The following ADGRL4 variants were observed in gnomAD, a reference collection of about 807,000 sequenced individuals.
The protein encoded by ADGRL4 is EGF, latrophilin and seven transmembrane domain containing 1.
A neutral mutation model predicts 74.8 loss-of-function variants in ADGRL4; 90 were observed. The observed-to-expected ratio is 1.20, with a 90% CI of 1.02 to 1.43. The LOEUF (loss-of-function observed/expected upper bound fraction) is 1.43. Among genes scored for constraint, ADGRL4 ranks in the 40% most tolerant of loss-of-function variants. The pLI is 0.00. For missense variants in ADGRL4, 881 were observed against 814.3 expected (o/e 1.08, Z -1.00); for synonymous variants, 311 against 279.2 (o/e 1.11, Z -1.14).
chr1:78,994,846 A>G (rs1489898273), intron 2 of ADGRL4, among the ~76,000 whole-genome samples: 1 of 152,152 alleles, frequency 6.6e-6, no homozygotes, highest in Non-Finnish European at 1.5e-5. Flanking sequence ...GGCAATATAT[A>G]TTACCCTCAG....
Position 78,929,204 on chromosome 1 carries a change from T to A in ADGRL4, c.878-2113A>T, listed in dbSNP as rs1342823762. Among the ~76,000 whole-genome samples, 3 of 151,330 alleles carry A rather than the reference T, an allele frequency of 2.0e-5. 1 individual carries two copies. Among genetic ancestry groups the A allele is most frequent in the African/African-American group, 7.4e-5 (3 of 40,732 alleles). ...CTCCTTACTCTTCTAAAATTCAGTC[T>A]ATAAAAAAATATACATTTAAAAATC... On this transcript the variant is annotated intron_variant, in intron 7 of 14. Transcript: ENST00000370742.
At chr1:78,940,215 C>T (rs992251865) in intron 3 of ADGRL4, among the ~76,000 whole-genome samples, 17 of 152,038 alleles carry the variant, frequency 1.1e-4, no homozygotes, top group African/African-American at 2.9e-4. Context: ...GATAAAAGAG[C>T]GACCTGATTT....
At chr1:78,992,816 T>C (rs915698810) in intron 2 of ADGRL4, among the ~76,000 whole-genome samples, 2 of 152,104 alleles carry the variant, frequency 1.3e-5, no homozygotes, top group Admixed American at 1.3e-4. Flanking sequence ...ATATAATATA[T>C]ACTGTACAGT....
At chr1:78,937,647 G>A (rs1158478610) in intron 6 of ADGRL4, among the ~76,000 whole-genome samples, 160 bp downstream of exon 6, 3 of 152,164 alleles carry the variant, frequency 2.0e-5, no homozygotes, top group Non-Finnish European at 4.4e-5. Context: ...TATTCACAAT[G>A]CTTTTGCAAT....
At chr1:78,942,789 G>C (rs1649515004) in intron 3 of ADGRL4, among the ~76,000 whole-genome samples, 1 of 152,048 alleles carries the variant, frequency 6.6e-6, no homozygotes, top group Non-Finnish European at 1.5e-5. Flanking sequence ...AAATTAGTCA[G>C]ACAAGGTGGT....
rs1476844983 is a variant in ADGRL4 at position 78,891,231 on chromosome 1, A to G, written c.2011-15T>C. Reference sequence around the variant, plus strand: ...TCTTCTTGAATCTAAAAATTAAAAAAAGGAAAGGAAGAAATGTTAATCATA... The same window carrying G: ...TCTTCTTGAATCTAAAAATTAAAAAGAGGAAAGGAAGAAATGTTAATCATA... On this transcript the variant is annotated splice_polypyrimidine_tract_variant and intron_variant, in intron 14 of 14. Transcript: ENST00000370742. 6 of 1,588,130 alleles carry G rather than the reference A, an allele frequency of 3.8e-6. No individual in the cohort carries two copies. In the African/African-American group the frequency reaches 8.1e-5, roughly 21 times the overall value.
At chr1:78,999,984 T>C (rs761836179) in intron 2 of ADGRL4, among the ~76,000 whole-genome samples, 3 of 152,076 alleles carry the variant, frequency 2.0e-5, no homozygotes, top group Non-Finnish European at 2.9e-5. Context: ...AAGTAGAAAA[T>C]ACATTGTGCA....
chr1:79,005,144 C>T lies in ADGRL4; in HGVS notation c.98G>A (p.Cys33Tyr). Residue 33 changes from cysteine to tyrosine, a missense_variant, in exon 2 of 15, where the codon TGT becomes TAT. Physicochemically the swap from Cys to Tyr is radical, Grantham distance 194. Coordinates refer to ENST00000370742, the MANE Select transcript of ADGRL4 (RefSeq NM_022159.4). ...GGCTTCAATTCCATTGCGTATTTCA[C>T]ATTTTGCATTTGGGAGACAAGGTGT... ...TKTPCLPNAK[C>Y]EIRNGIEACY... 1 of 1,613,580 alleles carries T rather than the reference C, an allele frequency of 6.2e-7. No individual in the cohort carries two copies. The highest frequency in any genetic ancestry group is 8.5e-7 in the Non-Finnish European group (1 of 1,179,744).
At chr1:78,893,498 T>C (rs1368455664) in intron 12 of ADGRL4, among the ~76,000 whole-genome samples, 1 of 151,876 alleles carries the variant, frequency 6.6e-6, no homozygotes, top group Non-Finnish European at 1.5e-5. Context: ...AGAAAGCAAA[T>C]TTTTGTTCAG....
intron 2 of ADGRL4, among the ~76,000 whole-genome samples, chr1:78,977,452 C>G (rs533222942): frequency 1.8e-4 from 27 of 151,940 alleles, no homozygotes; most frequent in African/African-American, 6.0e-4. Flanking sequence ...TCAATATTAT[C>G]AAATGCAAAT....
rs1649352196 is a variant in ADGRL4, at chr1:78,936,339, T to C, written c.833A>G (p.Tyr278Cys). The change falls in exon 7 of 15, where the codon TAC becomes TGC. Residue 278 changes from tyrosine to cysteine, a missense_variant. Coordinates refer to ENST00000370742, the MANE Select transcript of ADGRL4 (RefSeq NM_022159.4). ...TTTTCTCTTTGGAAATATATTTATG[T>C]AGTCTCCATCCATATTCATATGAGG... ...IHPHMNMDGD[Y>C]INIFPKRKAA... The C allele has an allele frequency of 1.3e-6, 2 of 1,595,932 alleles. No individual in the cohort carries two copies. Among genetic ancestry groups the C allele is most frequent in the East Asian group, 4.6e-5 (2 of 43,956 alleles).
At chr1:78,911,153 C>T (rs992325318) in intron 12 of ADGRL4, among the ~76,000 whole-genome samples, 6 of 151,736 alleles carry the variant, frequency 4.0e-5, no homozygotes, top group African/African-American at 1.5e-4. Flanking sequence ...TAAGCAAATA[C>T]CATTTAAGGC....
intron 12 of ADGRL4, among the ~76,000 whole-genome samples, chr1:78,908,303 G>T (rs1243768612): frequency 6.6e-6 from 1 of 151,950 alleles, no homozygotes; most frequent in Non-Finnish European, 1.5e-5. Flanking sequence ...TAAGTTTAAG[G>T]ATTTTATGGA....
At chr1:78,923,731 A>AT in intron 8 of ADGRL4, among the ~76,000 whole-genome samples, 1 of 152,096 alleles carries the variant, frequency 6.6e-6, no homozygotes, top group Non-Finnish European at 1.5e-5. Flanking sequence ...TTCTCAGTGA[A>AT]AATAAAGTAT....
At chr1:78,924,513 G>A (rs1336499443) in intron 8 of ADGRL4, among the ~76,000 whole-genome samples, 1 of 151,982 alleles carries the variant, frequency 6.6e-6, no homozygotes, top group Non-Finnish European at 1.5e-5. Context: ...TGCCTGGGCT[G>A]ATAAATGACC....
In ADGRL4 at chr1:78,938,306, G is replaced by A. The variant is rs377192779; in HGVS notation, c.397-27C>T. 1.1e-4 allele frequency: 169 copies of A among 1,524,076 alleles called. No individual in the cohort carries two copies. The African/African-American group carries it at 2.1e-3, about 19-fold the overall frequency. 94.4% of individuals were successfully genotyped at this position (1,524,076 alleles called of 1,614,324 possible). A position where few individuals can be genotyped will look rare whatever the true frequency, so the allele number is the denominator to read the frequency against. On this transcript the variant is annotated intron_variant, in intron 4 of 14. Coordinates refer to ENST00000370742, the MANE Select transcript of ADGRL4 (RefSeq NM_022159.4). ...TGAGAAAAAATGAGTCCAGAAAAAG[G>A]AAACTAAATTAGTTCTACTGGAGTT...
At chr1:78,953,758 T>C (rs971824781) in intron 2 of ADGRL4, among the ~76,000 whole-genome samples, 2 of 152,160 alleles carry the variant, frequency 1.3e-5, no homozygotes, top group African/African-American at 4.8e-5. Context: ...CTGCAATACA[T>C]AAATTCAAAT....
chr1:78,923,648 A>AT (rs1160642635), intron 8 of ADGRL4, among the ~76,000 whole-genome samples: 9 of 152,040 alleles, frequency 5.9e-5, no homozygotes, highest in Non-Finnish European at 1.3e-4. Context: ...TTTTTAAAAA[A>AT]ATATATAAAT....
chr1:78,988,774 G>A (rs1192093928), intron 2 of ADGRL4, among the ~76,000 whole-genome samples: 5 of 151,776 alleles, frequency 3.3e-5, no homozygotes, highest in Non-Finnish European at 5.9e-5. Flanking sequence ...TGGAGATTAC[G>A]TGAATCACTT....
Sources: allele counts gnomAD v4.1 joint callset (sites outside exome capture counted in the v4.1 genomes callset), GRCh38; gene constraint gnomAD v4.1.1; transcripts MANE v1.5; gene names NCBI Gene and HGNC (gene_info 2026-07-23, HGNC 2026-07-21).